The following PTPRC variants were observed in gnomAD, a reference collection of about 807,000 sequenced individuals.
PTPRC encodes the protein receptor-type tyrosine-protein phosphatase C.
PTPRC carries 44 observed loss-of-function variants against 155.9 expected under a neutral mutation model. The ratio of observed to expected loss-of-function variants is 0.28; its 90% CI spans 0.22 to 0.36. The LOEUF (loss-of-function observed/expected upper bound fraction) is 0.36. Ranked by LOEUF, PTPRC falls within the 10% of genes least tolerant of loss-of-function variation. The probability of loss-of-function intolerance (pLI) is 1.00; values close to 1 mark genes in which losing one functional copy is unlikely to be tolerated. For missense variants in PTPRC, 1,401 were observed against 1,564.6 expected (o/e 0.90, Z 1.76); for synonymous variants, 525 against 533.1 (o/e 0.98, Z 0.21).
At chr1:198,714,910 G>A (rs1373151707) in intron 12 of PTPRC, among the ~76,000 whole-genome samples, 1 of 151,268 alleles carries the variant, frequency 6.6e-6, no homozygotes, top group East Asian at 2.0e-4. Context: ...GATTAAAAGA[G>A]GAGAAAAAAT....
intron 2 of PTPRC, among the ~76,000 whole-genome samples, chr1:198,687,069 C>T (rs1665665903): frequency 6.6e-6 from 1 of 152,110 alleles, no homozygotes; most frequent in South Asian, 2.1e-4. Flanking sequence ...ACAGTGGCAC[C>T]ATCACATCTC....
Position 198,699,642 on chromosome 1 carries a change from C to T in PTPRC, c.377C>T (p.Thr126Ile), listed in dbSNP as rs753127621. ...QTPSAGTDTQ[T>I]FSGSAANAKL... ...CCCTCTGCTGGAACTGACACGCAGACATTCAGCGGCTCCGCCGCCAATGCA... is the reference window on the plus strand; with the variant it reads ...CCCTCTGCTGGAACTGACACGCAGATATTCAGCGGCTCCGCCGCCAATGCA... Residue 126 changes from threonine (T) to isoleucine (I), a missense_variant, in exon 5 of 33, where the codon ACA becomes ATA. Physicochemically the swap from Thr to Ile is moderately conservative, Grantham distance 89. Around this residue, in one of 3 missense-constraint regions of PTPRC, gnomAD observed 867 missense variants for 970.4 expected, o/e 0.89. Transcript: ENST00000442510. 1.2e-5 allele frequency: 20 copies of T among 1,614,116 alleles called. No homozygotes were observed. Among genetic ancestry groups the T allele is most frequent in the African/African-American group, 2.7e-5 (2 of 74,938 alleles).
chr1:198,707,889 A>C (rs1653078410), intron 9 of PTPRC, among the ~76,000 whole-genome samples: 1 of 152,248 alleles, frequency 6.6e-6, no homozygotes, highest in Non-Finnish European at 1.5e-5. Context: ...TTCATTTTTT[A>C]ACGTGGTATA....
At chr1:198,729,570 T>C (rs1654296186) in intron 17 of PTPRC, among the ~76,000 whole-genome samples, 1 of 152,130 alleles carries the variant, frequency 6.6e-6, no homozygotes, top group Admixed American at 6.6e-5. Context: ...GAATTGGGCA[T>C]TTTTAGTTTA....
chr1:198,716,916 C>T (rs979476036), intron 13 of PTPRC, 76 bp downstream of exon 13: 2 of 1,375,528 alleles, frequency 1.5e-6, no homozygotes, highest in African/African-American at 2.9e-5. Flanking sequence ...TACAATATTT[C>T]TATCTTTATT....
chr1:198,661,361 T>C (rs1663951641), intron 2 of PTPRC, among the ~76,000 whole-genome samples: 1 of 150,546 alleles, frequency 6.6e-6, no homozygotes. Flanking sequence ...ATAGCACATA[T>C]TGTATGAAAA....
At chr1:198,679,621 C>A in intron 2 of PTPRC, 1 of 235,756 alleles carries the variant, frequency 4.2e-6, no homozygotes. Context: ...CTGTGGCCTC[C>A]AGATCCATTG....
At chr1:198,754,502 G>C in intron 32 of PTPRC, 98 bp downstream of exon 32, 1 of 1,416,986 alleles carries the variant, frequency 7.1e-7, no homozygotes, top group Non-Finnish European at 9.7e-7. Flanking sequence ...CCTCTCGTTT[G>C]TTCTTTTTTC....
At position 198,744,138 on chromosome 1, in the gene PTPRC, T is replaced by C; in HGVS notation, c.2782T>C (p.Tyr928His). Residue 928 changes from tyrosine to histidine, a missense_variant, in exon 26 of 33, where the codon TAT becomes CAT. By Grantham distance (83) the Tyr-to-His change is moderately conservative (BLOSUM62 2). Transcript: ENST00000442510. ...AGTGAATTTGTCTGAATTACATCCA[T>C]ATCTACATAACATGAAGAAAAGGGA... ...TEVNLSELHP[Y>H]LHNMKKRDPP... 3 of 1,605,690 alleles carry C rather than the reference T, an allele frequency of 1.9e-6. No individual in the cohort carries two copies. The highest frequency in any genetic ancestry group is 2.2e-5 in the East Asian group (1 of 44,570).
At position 198,718,295 on chromosome 1, in the gene PTPRC, C is replaced by G. The variant is rs141736078; in HGVS notation, c.1652C>G (p.Thr551Ser). 6.2e-7 allele frequency: 1 copy of G among 1,610,548 alleles called. No individual in the cohort carries two copies. The highest frequency in any genetic ancestry group is 8.5e-7 in the Non-Finnish European group (1 of 1,177,140). The change falls in exon 14 of 33, where the codon ACT becomes AGT. Residue 551 changes from threonine to serine, a missense_variant. Thr to Ser is a moderately conservative substitution (Grantham distance 58). This residue lies in a region of PTPRC where 867 missense variants were observed against 970.4 expected (regional missense o/e 0.89). Transcript: ENST00000442510. ...GATCTTCAATATTCAACAGACTACA[C>G]TTTTAAGGTAAAAGTATGCTCTCTA... is the stretch of plus-strand genomic sequence containing the variant. ...VKDLQYSTDYTFKAYFHNGDY... is the reference protein window; with the variant it reads ...VKDLQYSTDYSFKAYFHNGDY...
intron 23 of PTPRC, among the ~76,000 whole-genome samples, chr1:198,737,343 T>G (rs1444601339): frequency 6.9e-6 from 1 of 143,934 alleles, no homozygotes; most frequent in Non-Finnish European, 1.5e-5. Context: ...CTAAGTCTAA[T>G]CCATTTTTTT....
At chr1:198,642,855 G>A (rs1662671812) in intron 2 of PTPRC, among the ~76,000 whole-genome samples, 1 of 151,388 alleles carries the variant, frequency 6.6e-6, no homozygotes, top group Non-Finnish European at 1.5e-5. Flanking sequence ...CTAATGATCT[G>A]GGGGCTAGGC....
At chr1:198,697,837 C>G (rs984122514) in intron 4 of PTPRC, among the ~76,000 whole-genome samples, 3 of 152,092 alleles carry the variant, frequency 2.0e-5, no homozygotes, top group African/African-American at 7.2e-5. Context: ...TTTTGAGTAC[C>G]TTACTGATGA....
At chr1:198,708,046 C>T in intron 9 of PTPRC, 87 bp from the exon 10 acceptor site, 1 of 1,288,384 alleles carries the variant, frequency 7.8e-7, no homozygotes, top group South Asian at 1.3e-5. Context: ...ATTTCAGTGG[C>T]TTTAACTGAC....
intron 3 of PTPRC, among the ~76,000 whole-genome samples, chr1:198,695,766 T>C (rs184313962): frequency 9.3e-4 from 142 of 152,346 alleles, no homozygotes; most frequent in African/African-American, 3.1e-3. Context: ...CAAAGACATT[T>C]TTGTAGACTT....
chr1:198,657,057 TA>T (rs1663629127), intron 2 of PTPRC, among the ~76,000 whole-genome samples: 1 of 150,840 alleles, frequency 6.6e-6, no homozygotes, highest in African/African-American at 2.4e-5. Flanking sequence ...TATATAAATA[TA>T]TATATACACA....
chr1:198,754,874 T>C (rs866667490), intron 32 of PTPRC, among the ~76,000 whole-genome samples: 89 of 152,226 alleles, frequency 5.8e-4, no homozygotes, highest in African/African-American at 2.0e-3. Flanking sequence ...ATGTGTGCCC[T>C]ACAGTTTGGC....
intron 2 of PTPRC, among the ~76,000 whole-genome samples, chr1:198,664,301 A>G (rs1664151032): frequency 1.3e-5 from 2 of 152,138 alleles, no homozygotes; most frequent in Non-Finnish European, 2.9e-5. Context: ...TTGGATGTGA[A>G]TTTTGTCATA....
rs894784945 is a variant in PTPRC, at chr1:198,733,318, TC to T, written c.2142+766del. ...ATTATGGTATCAGGTTACTTATGTT[TC>T]CCCAATGGAACTTAGAGCTCCCTGA... is the stretch of plus-strand genomic sequence containing the variant. On this transcript the variant is annotated intron_variant, in intron 20 of 32. Transcript: ENST00000442510. Among the ~76,000 whole-genome samples, 101 of 151,852 alleles carry T rather than the reference TC, an allele frequency of 6.7e-4. 1 individual carries two copies. The highest frequency in any genetic ancestry group is 2.4e-3 in the African/African-American group (99 of 41,504).
Sources: allele counts gnomAD v4.1 joint callset (sites outside exome capture counted in the v4.1 genomes callset), GRCh38; gene constraint gnomAD v4.1.1; regional missense constraint gnomAD v4.1.1; transcripts MANE v1.5; gene names NCBI Gene and HGNC (gene_info 2026-07-23, HGNC 2026-07-21).